Variants in DPY19L1 observed in about 807,000 individuals in gnomAD.
DPY19L1 encodes the protein dpy-19 like C-mannosyltransferase 1.
A neutral mutation model predicts 96.9 loss-of-function variants in DPY19L1; 35 were observed. The observed-to-expected ratio is 0.36, with a 90% CI of 0.28 to 0.48. The LOEUF is 0.48. Among genes scored for constraint, DPY19L1 ranks in the 20% least tolerant of loss-of-function variants. The pLI, the probability that DPY19L1 is intolerant of heterozygous loss-of-function variation, is 0.99. For synonymous variants in DPY19L1, 205 were observed against 252.6 expected (o/e 0.81, Z 1.79); for missense variants, 521 against 777.9 (o/e 0.67, Z 3.93).
At chr7:34,971,454 A>G (rs1401377955) in intron 8 of DPY19L1, among the ~76,000 whole-genome samples, 1 of 152,210 alleles carries the variant, frequency 6.6e-6, no homozygotes, top group African/African-American at 2.4e-5. Context: ...CATCGCAATC[A>G]GAAGTCATAA....
At position 35,017,868 on chromosome 7, in the gene DPY19L1, A is replaced by C; in HGVS notation, c.411+14T>G. 6.4e-7 allele frequency: 1 copy of C among 1,560,368 alleles called. No individual in the cohort carries two copies. The highest frequency in any genetic ancestry group is 8.7e-7 in the Non-Finnish European group (1 of 1,146,230). On this transcript the variant is annotated intron_variant, in intron 3 of 21. Transcript: ENST00000638088. Reference sequence around the variant, plus strand: ...TCCTAAAGTACTATGATGAAATCCCAAATAAAAACTAACCATTTCAGTGCG... The same window carrying C: ...TCCTAAAGTACTATGATGAAATCCCCAATAAAAACTAACCATTTCAGTGCG...
intron 1 of DPY19L1, among the ~76,000 whole-genome samples, chr7:35,027,463 T>C (rs576564440): frequency 1.3e-5 from 2 of 152,068 alleles, no homozygotes; most frequent in Middle Eastern, 3.4e-3. Context: ...CTATTTTGAA[T>C]TGGAAAAGAA....
upstream of DPY19L1, chr7:35,037,823 C>T (rs1228634732): frequency 2.4e-6 from 3 of 1,228,508 alleles, no homozygotes; most frequent in Admixed American, 4.3e-5. Flanking sequence ...CACACCTCTT[C>T]GGCGCCCGCG....
At chr7:34,944,818 A>G (rs1784108207) in intron 16 of DPY19L1, among the ~76,000 whole-genome samples, 1 of 152,198 alleles carries the variant, frequency 6.6e-6, no homozygotes, top group African/African-American at 2.4e-5. Context: ...CTGCAGGGCT[A>G]AAGGACAGGC....
intron 7 of DPY19L1, among the ~76,000 whole-genome samples, chr7:34,983,752 T>C (rs1051462553): frequency 2.6e-5 from 4 of 151,860 alleles, no homozygotes; most frequent in Admixed American, 2.6e-4. Flanking sequence ...AACATACATG[T>C]AATTAGAATC....
intron 7 of DPY19L1, among the ~76,000 whole-genome samples, chr7:34,982,477 T>A (rs182351333): frequency 1.8e-4 from 28 of 152,344 alleles, no homozygotes; most frequent in Non-Finnish European, 3.7e-4. Context: ...TCTGTAAGTT[T>A]CAATTTGTTC....
chr7:34,983,813 G>A (rs1784991575), intron 7 of DPY19L1, among the ~76,000 whole-genome samples: 1 of 152,072 alleles, frequency 6.6e-6, no homozygotes, highest in African/African-American at 2.4e-5. Flanking sequence ...TTAAAAAGAA[G>A]ATCTTGGCTA....
chr7:34,959,449 G>A (rs1784445020), intron 10 of DPY19L1, among the ~76,000 whole-genome samples: 1 of 152,122 alleles, frequency 6.6e-6, no homozygotes. Flanking sequence ...CAATAGCAAA[G>A]ACTTGGAACA....
At chr7:34,980,734 T>C (rs1024304141) in intron 7 of DPY19L1, among the ~76,000 whole-genome samples, 1 of 152,166 alleles carries the variant, frequency 6.6e-6, no homozygotes, top group African/African-American at 2.4e-5. Flanking sequence ...AAACCCATAA[T>C]AAGGTACCAT....
At chr7:34,963,356 G>GT (rs1784543190) in intron 10 of DPY19L1, among the ~76,000 whole-genome samples, 1 of 152,092 alleles carries the variant, frequency 6.6e-6, no homozygotes, top group Non-Finnish European at 1.5e-5. Context: ...ATTACATGGA[G>GT]AAAATAGAAC....
intron 1 of DPY19L1, among the ~76,000 whole-genome samples, chr7:35,033,619 G>T (rs189019905): frequency 2.2e-4 from 33 of 152,152 alleles, no homozygotes; most frequent in African/African-American, 7.7e-4. Flanking sequence ...GCAGAAACAG[G>T]ATTCAAATGC....
chr7:35,029,788 G>T (rs183644992), intron 1 of DPY19L1, among the ~76,000 whole-genome samples: 1 of 152,220 alleles, frequency 6.6e-6, no homozygotes, highest in East Asian at 1.9e-4. Context: ...AGAGCTCTAG[G>T]GTCATGGGAC....
intron 7 of DPY19L1, among the ~76,000 whole-genome samples, chr7:34,983,307 G>A (rs1007442231): frequency 2.8e-4 from 43 of 152,160 alleles, no homozygotes; most frequent in African/African-American, 9.9e-4. Context: ...AAAAAAAACA[G>A]TCAATGGAGT....
chr7:34,981,115 A>G (rs1784930118), intron 7 of DPY19L1, among the ~76,000 whole-genome samples: 1 of 152,206 alleles, frequency 6.6e-6, no homozygotes, highest in Non-Finnish European at 1.5e-5. Flanking sequence ...ATACATATGT[A>G]AAGATCCACT....
At chr7:34,946,986 T>A (rs1278159266) in intron 15 of DPY19L1, among the ~76,000 whole-genome samples, 1 of 152,230 alleles carries the variant, frequency 6.6e-6, no homozygotes, top group Non-Finnish European at 1.5e-5. Context: ...ACTGGCCACG[T>A]ATCAGGAAAC....
chr7:34,990,162 G>A (rs1785136397), intron 6 of DPY19L1, among the ~76,000 whole-genome samples: 1 of 152,112 alleles, frequency 6.6e-6, no homozygotes. Flanking sequence ...CCTTCAAAAT[G>A]TATAGACTCA....
rs1199318250 is a variant in DPY19L1, at chr7:34,947,718, T to G, written c.1423-17A>C. 6.3e-7 allele frequency: 1 copy of G among 1,594,558 alleles called. No individual in the cohort carries two copies. Among genetic ancestry groups the G allele is most frequent in the Non-Finnish European group, 8.5e-7 (1 of 1,171,140 alleles). On this transcript the variant is annotated splice_polypyrimidine_tract_variant and intron_variant, in intron 14 of 21. Coordinates refer to ENST00000638088, the MANE Select transcript of DPY19L1 (RefSeq NM_001366673.1). ...CAGTGGAGTCTGAAATTCAAAGAGATGTTTTGTTAGAAGGAAACATTTTAA... is the reference window on the plus strand; with the variant it reads ...CAGTGGAGTCTGAAATTCAAAGAGAGGTTTTGTTAGAAGGAAACATTTTAA...
rs528005379 is a variant in DPY19L1 at position 35,013,550 on chromosome 7, T to C, written c.549+18A>G. On this transcript the variant is annotated intron_variant, in intron 4 of 21. Coordinates refer to ENST00000638088, the MANE Select transcript of DPY19L1 (RefSeq NM_001366673.1). Reference sequence around the variant, plus strand: ...TTTTTACAAAAGTGAAAAATCACAATTGGAAAAAGTACCTTACCTCAGGGT... The same window carrying C: ...TTTTTACAAAAGTGAAAAATCACAACTGGAAAAAGTACCTTACCTCAGGGT... The C allele has an allele frequency of 1.3e-5, 21 of 1,603,256 alleles. No individual in the cohort carries two copies. The highest frequency in any genetic ancestry group is 2.2e-5 in the East Asian group (1 of 44,484).
At chr7:34,959,892 T>C (rs1350367749) in intron 10 of DPY19L1, among the ~76,000 whole-genome samples, 1 of 44,344 alleles carries the variant, frequency 2.3e-5, no homozygotes, top group Non-Finnish European at 3.9e-5. Flanking sequence ...TGTTTATTTG[T>C]ATATAAATAT....
Sources: allele counts gnomAD v4.1 joint callset (sites outside exome capture counted in the v4.1 genomes callset), GRCh38; gene constraint gnomAD v4.1.1; transcripts MANE v1.5; gene names NCBI Gene and HGNC (gene_info 2026-07-23, HGNC 2026-07-21).